Variants in STK24 observed in about 807,000 individuals in gnomAD.
STK24 encodes serine/threonine kinase 24, also known as serine/threonine-protein kinase 24.
STK24 carries 21 observed loss-of-function variants against 55.6 expected under a neutral mutation model. That is an observed-to-expected ratio of 0.38 (90% CI 0.27 to 0.54). The LOEUF (loss-of-function observed/expected upper bound fraction) is 0.54, where lower values mean the gene tolerates loss of function less well. STK24 is among the 20% of genes least tolerant of loss of function. The pLI is 0.79. For synonymous variants in STK24, 200 were observed against 215.2 expected, an observed-to-expected ratio of 0.93 and a Z score of 0.62; for missense variants, 383 against 538.4, an observed-to-expected ratio of 0.71 and a Z score of 2.86.
At chr13:98,543,449 C>T (rs185791371) in intron 1 of STK24, among the ~76,000 whole-genome samples, 143 of 152,284 alleles carry the variant, frequency 9.4e-4, no homozygotes, top group African/African-American at 3.4e-3. Context: ...AGAGTGGGGC[C>T]TCAGTCCTGC....
intron 2 of STK24, among the ~76,000 whole-genome samples, chr13:98,487,956 C>A (rs1894867121): frequency 6.6e-6 from 1 of 152,090 alleles, no homozygotes; most frequent in Non-Finnish European, 1.5e-5. Flanking sequence ...GCCACAGTGT[C>A]ATCAAGTTTT....
At position 98,446,461 on chromosome 13, in the gene STK24, C is replaced by T. The variant is rs979687594; in HGVS notation, c.*6712G>A. The T allele has an allele frequency of 9.7e-6, 6 of 615,596 alleles. No homozygotes were observed. The highest frequency in any genetic ancestry group is 9.2e-5 in the African/African-American group (5 of 54,122). The allele number at this position is 615,596 out of a possible 1,614,324, so 38.1% of individuals were successfully genotyped here. ...TGCCTGGACAAGGGACGGGGGTTGG[C>T]TTTATCTACAGCTCAGTCCTGGCGG... is the stretch of plus-strand genomic sequence containing the variant. On this transcript the variant is annotated 3_prime_UTR_variant, in exon 11 of 11. Coordinates refer to ENST00000539966, the MANE Select transcript of STK24 (RefSeq NM_001032296.4).
At chr13:98,566,882 G>A (rs1411570992) in intron 1 of STK24, among the ~76,000 whole-genome samples, 1 of 152,170 alleles carries the variant, frequency 6.6e-6, no homozygotes, top group African/African-American at 2.4e-5. Flanking sequence ...CGCTCCTCAA[G>A]CAATACCTTT....
rs1892958708 is a variant in STK24 at position 98,447,957 on chromosome 13, A to G, written c.*5216T>C. ...AATAGGAGGTAGCGTTCTCCCCAGC[A>G]ACCAGAGGCCACCTCGCTCCTAACT... On this transcript the variant is annotated 3_prime_UTR_variant, in exon 11 of 11. Transcript: ENST00000539966. 2.1e-6 allele frequency: 1 copy of G among 483,838 alleles called. No individual in the cohort carries two copies. The highest frequency in any genetic ancestry group is 2.0e-5 in the African/African-American group (1 of 50,624). The allele number at this position is 483,838 out of a possible 1,614,324, so 30.0% of individuals were successfully genotyped here.
chr13:98,547,255 T>G (rs1288201867), intron 1 of STK24, among the ~76,000 whole-genome samples: 3 of 152,070 alleles, frequency 2.0e-5, no homozygotes, highest in Non-Finnish European at 4.4e-5. Flanking sequence ...AAATTTATAT[T>G]AAAATTGTGG....
chr13:98,568,633 G>A (rs1258960456), intron 1 of STK24, among the ~76,000 whole-genome samples: 1 of 152,144 alleles, frequency 6.6e-6, no homozygotes, highest in African/African-American at 2.4e-5. Flanking sequence ...TTGGGAGGCC[G>A]AGGCATGTGG....
rs1049393637 is a variant in STK24, at chr13:98,449,979, C to CCACT, written c.*3190_*3193dup. The CCACT allele has an allele frequency of 6.6e-6, 1 of 152,186 alleles. No homozygotes were observed. Among genetic ancestry groups the CCACT allele is most frequent in the African/African-American group, 2.4e-5 (1 of 41,430 alleles). The allele number at this position is 152,186 out of a possible 1,614,324, so 9.4% of individuals were successfully genotyped here. On this transcript the variant is annotated 3_prime_UTR_variant, in exon 11 of 11. Transcript: ENST00000539966. ...AGCATCAGGCTCCCTCCAGAAGTCA[C>CCACT]CACTCACTCATTCCTGGAGACTTGG...
rs115363143 is a variant in STK24, at chr13:98,508,086, C to T, written c.273+11157G>A. Among the ~76,000 whole-genome samples, 461 of 152,286 alleles carry T rather than the reference C, an allele frequency of 3.0e-3. 2 individuals carry two copies. The highest frequency in any genetic ancestry group is 0.01 in the African/African-American group (425 of 41,558). ...TAGCCTGCAATGACGGTCCCAGCTA[C>T]CCAGAATTCTTCCTGCTCCCCACCG... is the stretch of plus-strand genomic sequence containing the variant. On this transcript the variant is annotated intron_variant, in intron 2 of 10. Transcript: ENST00000539966.
intron 9 of STK24, among the ~76,000 whole-genome samples, 157 bp downstream of exon 9, chr13:98,460,215 G>GCCTGACA (rs35458785): frequency 3.4e-3 from 32 of 9,548 alleles, no homozygotes; most frequent in Non-Finnish European, 0.02. Context: ...GCAAGGTGGT[G>GCCTGACA]CTGACAGCCT....
intron 2 of STK24, among the ~76,000 whole-genome samples, chr13:98,486,003 G>C (rs891165946): frequency 6.6e-6 from 1 of 152,064 alleles, no homozygotes; most frequent in Non-Finnish European, 1.5e-5. Flanking sequence ...AGAGGAGCAG[G>C]GACAGGAACA....
intron 10 of STK24, chr13:98,455,737 A>C (rs1382468415): frequency 6.6e-6 from 1 of 152,384 alleles, no homozygotes; most frequent in Non-Finnish European, 1.5e-5. Flanking sequence ...AGTCACGTAT[A>C]TAAACAAACA....
At chr13:98,458,894 T>TA (rs1893581964) in intron 9 of STK24, among the ~76,000 whole-genome samples, 1 of 152,182 alleles carries the variant, frequency 6.6e-6, no homozygotes, top group South Asian at 2.1e-4. Context: ...TTGTATGAAA[T>TA]AATACACAAT....
At chr13:98,497,023 T>C (rs1171960548) in intron 2 of STK24, among the ~76,000 whole-genome samples, 1 of 152,176 alleles carries the variant, frequency 6.6e-6, no homozygotes, top group Non-Finnish European at 1.5e-5. Context: ...GGGACCCGCA[T>C]TTCTAGGAGC....
At chr13:98,561,780 C>T (rs1270453631) in intron 1 of STK24, among the ~76,000 whole-genome samples, 1 of 151,906 alleles carries the variant, frequency 6.6e-6, no homozygotes, top group Admixed American at 6.6e-5. Flanking sequence ...CAGGACCAAC[C>T]AGCCCGGCCA....
chr13:98,574,169 G>A (rs563320526), intron 1 of STK24, among the ~76,000 whole-genome samples: 2 of 152,156 alleles, frequency 1.3e-5, no homozygotes, highest in Admixed American at 6.5e-5. Context: ...GTGCCACCAC[G>A]CCCAGCTAAT....
At chr13:98,549,806 G>A (rs1358719200) in intron 1 of STK24, among the ~76,000 whole-genome samples, 1 of 152,190 alleles carries the variant, frequency 6.6e-6, no homozygotes, top group Non-Finnish European at 1.5e-5. Context: ...CATTCATGAA[G>A]GCAGAACCCT....
At chr13:98,564,655 G>A (rs1339778007) in intron 1 of STK24, among the ~76,000 whole-genome samples, 1 of 152,202 alleles carries the variant, frequency 6.6e-6, no homozygotes, top group Non-Finnish European at 1.5e-5. Context: ...TGACAAATTT[G>A]AGAATTATCA....
intron 1 of STK24, among the ~76,000 whole-genome samples, chr13:98,570,608 T>C (rs1897715946): frequency 6.6e-6 from 1 of 152,184 alleles, no homozygotes; most frequent in Non-Finnish European, 1.5e-5. Flanking sequence ...GGAAGGTCTC[T>C]AGAGTCAACA....
chr13:98,574,908 C>T (rs1897841005), intron 1 of STK24, among the ~76,000 whole-genome samples: 1 of 152,096 alleles, frequency 6.6e-6, no homozygotes, highest in Admixed American at 6.5e-5. Context: ...TGGTAACCAT[C>T]TGATACTGAC....
Sources: gnomAD v4.1 joint callset for allele counts (sites outside exome capture counted in the v4.1 genomes callset) on GRCh38, gnomAD v4.1.1 for gene constraint, MANE v1.5 for transcripts, NCBI Gene and HGNC (gene_info 2026-07-23, HGNC 2026-07-21) for gene names.